The following GLIS3 variants were observed in gnomAD, a reference collection of about 807,000 sequenced individuals.
GLIS3 encodes the protein GLIS family zinc finger 3.
In GLIS3, 53 loss-of-function variants were observed where a neutral mutation model predicts 78.6. The observed-to-expected ratio is 0.67, with a 90% CI of 0.54 to 0.85. GLIS3 has a LOEUF of 0.85. GLIS3 is among the 40% of genes least tolerant of loss of function. GLIS3 has a pLI of 0.00. For missense variants in GLIS3, 1,703 were observed against 1,231.1 expected (o/e 1.38, Z -5.74); for synonymous variants, 684 against 509.9 (o/e 1.34, Z -4.60).
At chr9:4,280,131 C>T (rs866719824) in intron 2 of GLIS3, among the ~76,000 whole-genome samples, 3 of 152,182 alleles carry the variant, frequency 2.0e-5, no homozygotes, top group Admixed American at 6.5e-5. Flanking sequence ...GTGATCCTCC[C>T]ACCTCGGCCT....
intron 2 of GLIS3, among the ~76,000 whole-genome samples, chr9:4,312,605 TTTC>T (rs1817382319): frequency 6.6e-6 from 1 of 152,238 alleles, no homozygotes; most frequent in Non-Finnish European, 1.5e-5. Flanking sequence ...TTCCTCCCAG[TTTC>T]TTCTTGATTG....
upstream of GLIS3, among the ~76,000 whole-genome samples, chr9:4,300,459 C>CA (rs1396618707): frequency 1.8e-4 from 27 of 152,152 alleles, no homozygotes; most frequent in African/African-American, 5.5e-4. Context: ...TGAAAAATGG[C>CA]AAAAGGGTTG....
At chr9:3,908,702 A>ATTTTTTTTT (rs1223677932) in intron 6 of GLIS3, among the ~76,000 whole-genome samples, 1 of 29,088 alleles carries the variant, frequency 3.4e-5, no homozygotes, top group African/African-American at 1.5e-4. Context: ...TGTGATTTGT[A>ATTTTTTTTT]TTTGTTTTTT....
At chr9:4,134,824 C>A (rs1833276336) in intron 2 of GLIS3, among the ~76,000 whole-genome samples, 1 of 152,126 alleles carries the variant, frequency 6.6e-6, no homozygotes, top group Non-Finnish European at 1.5e-5. Flanking sequence ...GTTCAGGAAA[C>A]CTTCTTGTTT....
intron 8 of GLIS3, among the ~76,000 whole-genome samples, chr9:3,860,683 G>T (rs1820156137): frequency 6.6e-6 from 1 of 152,178 alleles, no homozygotes; most frequent in Non-Finnish European, 1.5e-5. Flanking sequence ...GGGTCTGTCT[G>T]TTACTAGCTG....
intron 2 of GLIS3, among the ~76,000 whole-genome samples, chr9:4,223,266 G>A (rs7038390): frequency 0.91 from 138,105 of 152,208 alleles, 62,776 homozygotes; most frequent in Non-Finnish European, 0.93. Flanking sequence ...AGAAGACTCA[G>A]GACTTACTAC....
At chr9:4,111,514 GT>G (rs1250703098) in intron 4 of GLIS3, among the ~76,000 whole-genome samples, 3 of 152,226 alleles carry the variant, frequency 2.0e-5, no homozygotes, top group Non-Finnish European at 4.4e-5. Context: ...CAAATGGCAG[GT>G]TTCTAAACTG....
rs1362884847 is a variant in GLIS3 at position 4,125,886 on chromosome 9, A to G, written c.444T>C (p.Asn148=). The G allele has an allele frequency of 3.1e-6, 5 of 1,613,872 alleles. No individual in the cohort carries two copies. The highest frequency in any genetic ancestry group is 3.4e-6 in the Non-Finnish European group (4 of 1,179,972). ...TCATGGGACTGCTGGTGACCACTAG[A>G]TTGTTGCAGCTGCCTTTTCCAATGG... The part of the protein sequence containing the change: ...CKSIGKGSCN[N]LVVTSSPMMV... Residue 148 remains asparagine (N), a synonymous_variant, in exon 3 of 11, where the codon AAT becomes AAC. Transcript: ENST00000381971.
At chr9:4,355,283 C>G in the GLIS3 span, among the ~76,000 whole-genome samples, 3 of 152,130 alleles carry the variant, frequency 2.0e-5, no homozygotes, top group South Asian at 6.2e-4. Context: ...CTGCAAGCAA[C>G]TTAACCTCCT....
intron 4 of GLIS3, among the ~76,000 whole-genome samples, chr9:3,940,497 A>G (rs908813747): frequency 6.6e-6 from 1 of 152,160 alleles, no homozygotes; most frequent in African/African-American, 2.4e-5. Context: ...ACCCAAATTG[A>G]ACAATATCCT....
intron 2 of GLIS3, among the ~76,000 whole-genome samples, chr9:4,252,183 A>G (rs182917731): frequency 3.1e-4 from 47 of 152,284 alleles, no homozygotes; most frequent in African/African-American, 1.1e-3. Context: ...TCTCCTGGAT[A>G]ATATCCTGAG....
At chr9:4,329,361 C>A (rs752247794) in intron 2 of GLIS3, among the ~76,000 whole-genome samples, 1 of 152,128 alleles carries the variant, frequency 6.6e-6, no homozygotes, top group Non-Finnish European at 1.5e-5. Context: ...TTCATTTTGA[C>A]GTCAGAGTAA....
chr9:4,129,251 T>C lies in GLIS3; in HGVS notation c.389-3310A>G, dbSNP rs143248512. On this transcript the variant is annotated intron_variant, in intron 2 of 10. Coordinates refer to ENST00000381971, the MANE Select transcript of GLIS3 (RefSeq NM_001042413.2). ...AGATAGCTTGCCTGGGATCTGCTAT[T>C]TGGGGACTTACGCAAATTACTTAAC... is the stretch of plus-strand genomic sequence containing the variant. Among the ~76,000 whole-genome samples, 15 of 152,306 alleles carry C rather than the reference T, an allele frequency of 9.8e-5. No homozygotes were observed. In the East Asian group the frequency reaches 2.3e-3, roughly 23 times the overall value.
At chr9:4,070,438 T>C (rs930082213) in intron 4 of GLIS3, among the ~76,000 whole-genome samples, 8 of 152,288 alleles carry the variant, frequency 5.3e-5, no homozygotes, top group Non-Finnish European at 1.2e-4. Flanking sequence ...TGTCTCTCTA[T>C]ACACTGTGAC....
At chr9:3,875,656 C>G (rs917259749) in intron 8 of GLIS3, 1 of 152,194 alleles carries the variant, frequency 6.6e-6, no homozygotes. Flanking sequence ...ATGCTGGACA[C>G]TAACGCAAAC....
intron 2 of GLIS3, among the ~76,000 whole-genome samples, chr9:4,237,510 G>C (rs138014745): frequency 0.011 from 1,643 of 152,290 alleles, 12 homozygotes; most frequent in South Asian, 0.04. Flanking sequence ...CTGAGCCCTA[G>C]GGCATGGCTG....
rs548023153 is a variant in GLIS3 at position 4,321,247 on chromosome 9, C to A, written n.265-10719G>T. 2.2e-5 allele frequency among the ~76,000 whole-genome samples: 3 copies of A among 136,078 alleles called. No individual in the cohort carries two copies. In the East Asian group the frequency reaches 6.6e-4, roughly 30 times the overall value. The allele number at this position is 136,078 out of a possible 152,430, so 89.3% of individuals were successfully genotyped here. A position where few individuals can be genotyped will look rare whatever the true frequency, so the allele number is the denominator to read the frequency against. Reference sequence around the variant, plus strand: ...CATCCTGGCTAACACGGTGAAACCCCGTCTCTACTAAAAATACAAAAAAAA... The same window carrying A: ...CATCCTGGCTAACACGGTGAAACCCAGTCTCTACTAAAAATACAAAAAAAA... On this transcript the variant is annotated intron_variant and non_coding_transcript_variant, in intron 2 of 4. Coordinates refer to the GLIS3 transcript ENST00000471664.
At chr9:3,920,886 G>A (rs1824844073) in intron 6 of GLIS3, among the ~76,000 whole-genome samples, 1 of 152,034 alleles carries the variant, frequency 6.6e-6, no homozygotes, top group African/African-American at 2.4e-5. Context: ...TCTTGTCTTC[G>A]TGCCTTGCCA....
At chr9:3,857,598 A>G (rs1423191917) in intron 8 of GLIS3, among the ~76,000 whole-genome samples, 1 of 152,224 alleles carries the variant, frequency 6.6e-6, no homozygotes. Context: ...CCTCTAGGGA[A>G]AAGAAGTCAA....
Sources: gnomAD v4.1 joint callset for allele counts (sites outside exome capture counted in the v4.1 genomes callset) on GRCh38, gnomAD v4.1.1 for gene constraint, MANE v1.5 for transcripts, NCBI Gene and HGNC (gene_info 2026-07-23, HGNC 2026-07-21) for gene names.